Variants in RBFOX2 observed in about 807,000 individuals in gnomAD.
RBFOX2 encodes RNA binding fox-1 homolog 2, also known as RNA binding protein fox-1 homolog 2.
RBFOX2 carries 10 observed loss-of-function variants against 49.1 expected under a neutral mutation model. The observed-to-expected ratio is 0.20, with a 90% CI of 0.13 to 0.35. RBFOX2 has a LOEUF of 0.35. Among genes scored for constraint, RBFOX2 ranks in the 10% least tolerant of loss-of-function variants. The pLI is 1.00. For synonymous variants in RBFOX2, 183 were observed against 187.4 expected (o/e 0.98, Z 0.19); for missense variants, 323 against 486.9 (o/e 0.66, Z 3.17).
Position 35,957,849 on chromosome 22 carries a change from T to C in RBFOX2, c.42+3714A>G, listed in dbSNP as rs1431859832. On this transcript the variant is annotated intron_variant, in intron 1 of 5. Transcript: ENST00000408983. ...CAGACACAATTATGTGAATACTCATTATGACTAAATATGCCAATTGATAAC... is the reference window on the plus strand; with the variant it reads ...CAGACACAATTATGTGAATACTCATCATGACTAAATATGCCAATTGATAAC... Among the ~76,000 whole-genome samples, 4 of 152,238 alleles carry C rather than the reference T, an allele frequency of 2.6e-5. No homozygotes were observed. The East Asian group carries it at 7.7e-4, about 29-fold the overall frequency.
chr22:35,886,101 C>A (rs2046543737), intron 1 of RBFOX2, among the ~76,000 whole-genome samples: 2 of 151,938 alleles, frequency 1.3e-5, no homozygotes, highest in Admixed American at 6.6e-5. Context: ...CGTGATCCGC[C>A]CACCTCAGCC....
intron 1 of RBFOX2, among the ~76,000 whole-genome samples, chr22:35,946,985 A>G (rs1451908367): frequency 6.6e-6 from 1 of 152,204 alleles, no homozygotes; most frequent in African/African-American, 2.4e-5. Context: ...TGAGGTCAGG[A>G]GTTCGAGACC....
chr22:35,912,184 C>T (rs554830138), intron 1 of RBFOX2, among the ~76,000 whole-genome samples: 5 of 152,286 alleles, frequency 3.3e-5, no homozygotes, highest in East Asian at 1.9e-4. Context: ...ACTACGTATA[C>T]TTCTCTTATA....
chr22:35,800,062 G>C (rs1949492464), intron 2 of RBFOX2, among the ~76,000 whole-genome samples: 1 of 151,978 alleles, frequency 6.6e-6, no homozygotes, highest in South Asian at 2.1e-4. Context: ...GTACAGTCAG[G>C]TCAAGTATAA....
chr22:35,760,064 CAATAG>C (rs1938217386), intron 8 of RBFOX2, 44 bp from the exon 10 acceptor site: 2 of 1,609,324 alleles, frequency 1.2e-6, no homozygotes, highest in African/African-American at 2.7e-5. Context: ...AACTTGCATT[CAATAG>C]AAGGTGCACA....
intron 1 of RBFOX2, among the ~76,000 whole-genome samples, chr22:35,826,595 T>A (rs949283532): frequency 9.9e-5 from 15 of 151,882 alleles, no homozygotes; most frequent in African/African-American, 3.1e-4. Context: ...CCCCCCTGCA[T>A]CTCCTGTTTT....
chr22:35,809,991 G>C, exon 2 of RBFOX2: 1 of 1,613,978 alleles, frequency 6.2e-7, no homozygotes, highest in Non-Finnish European at 8.5e-7. Context: ...AGTTGTTGTC[G>C]GCTCCTGGTT....
At chr22:36,001,217 ACACACACACACACACACT>A (rs1247467991) in intron 1 of RBFOX2, among the ~76,000 whole-genome samples, 6 of 148,130 alleles carry the variant, frequency 4.1e-5, no homozygotes, top group African/African-American at 1.5e-4. Context: ...ACACACACAC[ACACACACACACACACACT>A]ATATGTATAT....
chr22:35,929,521 A>T (rs1004673198), intron 1 of RBFOX2, among the ~76,000 whole-genome samples: 2 of 152,214 alleles, frequency 1.3e-5, no homozygotes, highest in Non-Finnish European at 2.9e-5. Context: ...AAAAAAAAAT[A>T]AAAAATGACA....
At chr22:35,897,596 G>T in intron 1 of RBFOX2, 1 of 1,084,746 alleles carries the variant, frequency 9.2e-7, no homozygotes, top group Non-Finnish European at 1.4e-6. Context: ...AGGAGATATC[G>T]ATTTGGCCCA....
At chr22:36,015,360 A>G (rs1284836041) in intron 1 of RBFOX2, among the ~76,000 whole-genome samples, 2 of 152,252 alleles carry the variant, frequency 1.3e-5, no homozygotes, top group African/African-American at 4.8e-5. Flanking sequence ...TGCATAGCAT[A>G]AGACCAGGGT....
At chr22:36,019,377 T>C (rs574529689) in intron 1 of RBFOX2, among the ~76,000 whole-genome samples, 5 of 152,374 alleles carry the variant, frequency 3.3e-5, no homozygotes, top group Non-Finnish European at 5.9e-5. Context: ...TTCCCAACTC[T>C]GGCACTTAAT....
At chr22:35,945,701 T>G (rs560099506) in intron 1 of RBFOX2, among the ~76,000 whole-genome samples, 2 of 152,248 alleles carry the variant, frequency 1.3e-5, no homozygotes, top group East Asian at 3.9e-4. Flanking sequence ...CCTCCCAAAG[T>G]GCTGGGATTA....
At position 35,821,900 on chromosome 22, in the gene RBFOX2, G is replaced by A. The variant is rs1373868807; in HGVS notation, c.28-11896C>T. 9.6e-6 allele frequency: 5 copies of A among 518,872 alleles called. No homozygotes were observed. The East Asian group carries it at 2.2e-4, about 23-fold the overall frequency. 32.1% of individuals were successfully genotyped at this position (518,872 alleles called of 1,614,324 possible). A position where few individuals can be genotyped will look rare whatever the true frequency, so the allele number is the denominator to read the frequency against. ...GGCAAACTTTGACCAAAAGGGGGAG[G>A]AGCAGGAAATGGGAGGAAACCATAA... On this transcript the variant is annotated intron_variant, in intron 1 of 11. Coordinates refer to ENST00000405409, the Ensembl canonical transcript of RBFOX2.
At chr22:35,914,784 C>A (rs945437898) in intron 1 of RBFOX2, among the ~76,000 whole-genome samples, 19 of 152,134 alleles carry the variant, frequency 1.2e-4, no homozygotes, top group African/African-American at 4.6e-4. Context: ...CGGGGGTAAA[C>A]AACAGCAAAA....
chr22:35,847,718 A>C (rs571080908), intron 1 of RBFOX2, among the ~76,000 whole-genome samples: 18 of 152,230 alleles, frequency 1.2e-4, no homozygotes, highest in Admixed American at 3.3e-4. Flanking sequence ...TTAAATTTTA[A>C]TATCCCATTA....
intron 1 of RBFOX2, among the ~76,000 whole-genome samples, chr22:35,978,870 G>C (rs1246118559): frequency 6.6e-6 from 1 of 152,190 alleles, no homozygotes; most frequent in Non-Finnish European, 1.5e-5. Flanking sequence ...AAACTGGTTG[G>C]TTCAGGAAAG....
intron 1 of RBFOX2, among the ~76,000 whole-genome samples, chr22:35,988,460 T>A (rs2057817342): frequency 6.6e-6 from 1 of 152,154 alleles, no homozygotes; most frequent in African/African-American, 2.4e-5. Flanking sequence ...TAGGGAAAAG[T>A]ACAAGGTGCT....
At chr22:35,936,509 A>T (rs1027632846) in intron 1 of RBFOX2, among the ~76,000 whole-genome samples, 4 of 152,224 alleles carry the variant, frequency 2.6e-5, no homozygotes, top group Non-Finnish European at 4.4e-5. Context: ...CAAATACAAC[A>T]AGCAGCTATT....
Sources: gnomAD v4.1 joint callset for allele counts (sites outside exome capture counted in the v4.1 genomes callset) on GRCh38, gnomAD v4.1.1 for gene constraint, MANE v1.5 for transcripts, NCBI Gene and HGNC (gene_info 2026-07-23, HGNC 2026-07-21) for gene names.